RIC1: variants seen among roughly 807,000 people sequenced by gnomAD.
RIC1 encodes the protein RIC1 partner of RAB6A GEF complex.
In RIC1, 88 loss-of-function variants were observed where a neutral mutation model predicts 169.0. The observed-to-expected ratio is 0.52, with a 90% CI of 0.44 to 0.62. RIC1 has a LOEUF of 0.62. Among genes scored for constraint, RIC1 ranks in the 20% least tolerant of loss-of-function variants. The probability of loss-of-function intolerance (pLI) is 0.00; values close to 1 mark genes in which losing one functional copy is unlikely to be tolerated. For missense variants in RIC1, 1,877 were observed against 1,725.5 expected, an observed-to-expected ratio of 1.09 and a Z score of -1.56; for synonymous variants, 790 against 601.5, an observed-to-expected ratio of 1.31 and a Z score of -4.59.
intron 6 of RIC1, among the ~76,000 whole-genome samples, chr9:5,725,363 C>T (rs1025258056): frequency 6.6e-6 from 1 of 152,142 alleles, no homozygotes; most frequent in Non-Finnish European, 1.5e-5. Context: ...TTATAGTATT[C>T]TCTGATGGTA....
intron 1 of RIC1, among the ~76,000 whole-genome samples, chr9:5,653,874 G>T (rs1257180696): frequency 6.6e-6 from 1 of 152,098 alleles, no homozygotes; most frequent in African/African-American, 2.4e-5. Context: ...GGGATTACAG[G>T]CATGCACAAC....
At chr9:5,747,547 T>A in intron 12 of RIC1, 42 bp downstream of exon 12, 1 of 1,483,926 alleles carries the variant, frequency 6.7e-7, no homozygotes, top group Non-Finnish European at 9.4e-7. Context: ...TATTCTTTGA[T>A]AGGATATCAC....
At chr9:5,645,455 A>G (rs1196430607) in intron 1 of RIC1, among the ~76,000 whole-genome samples, 1 of 152,272 alleles carries the variant, frequency 6.6e-6, no homozygotes, top group Non-Finnish European at 1.5e-5. Flanking sequence ...CATTAAGTAC[A>G]TTCACATTAT....
chr9:5,760,219 T>A (rs1826246202), intron 17 of RIC1, among the ~76,000 whole-genome samples: 1 of 152,066 alleles, frequency 6.6e-6, no homozygotes, highest in Non-Finnish European at 1.5e-5. Flanking sequence ...CTGCCAGGGG[T>A]TTTTTTAGGG....
chr9:5,769,056 G>A lies in RIC1; in HGVS notation c.3224G>A (p.Arg1075Lys). The part of the protein sequence containing the change: ...RHARRLLEDV[R>K]LKDLGCFAAQ... ...GCTCGGCGCCTCTTAGAAGATGTGA[G>A]GTTAAAGGACCTTGGCTGCTTTGCA... is the stretch of plus-strand genomic sequence containing the variant. Residue 1075 changes from arginine to lysine, a missense_variant, in exon 22 of 26, where the codon AGG becomes AAG. By Grantham distance (26) the Arg-to-Lys change is conservative. This residue lies in a region of RIC1 where 681 missense variants were observed against 582.0 expected (regional missense o/e 1.17). Coordinates refer to ENST00000414202, the MANE Select transcript of RIC1 (RefSeq NM_020829.4). 1 of 1,614,054 alleles carries A rather than the reference G, an allele frequency of 6.2e-7. No individual in the cohort carries two copies. Among genetic ancestry groups the A allele is most frequent in the Non-Finnish European group, 8.5e-7 (1 of 1,179,960 alleles).
At chr9:5,753,369 A>T in intron 13 of RIC1, 131 bp downstream of exon 13, 1 of 866,358 alleles carries the variant, frequency 1.2e-6, no homozygotes, top group South Asian at 1.5e-5. Context: ...TTGCTAGTAT[A>T]TTAACATCTA....
intron 5 of RIC1, 127 bp downstream of exon 5, chr9:5,720,451 G>T: frequency 8.6e-7 from 1 of 1,158,604 alleles, no homozygotes; most frequent in Non-Finnish European, 1.2e-6. Context: ...GAGTATGAGA[G>T]GCGGGGTGAG....
At chr9:5,672,488 A>T (rs1305853116) in intron 2 of RIC1, among the ~76,000 whole-genome samples, 3 of 152,254 alleles carry the variant, frequency 2.0e-5, no homozygotes, top group African/African-American at 7.2e-5. Flanking sequence ...TGAGAGCTGA[A>T]TCTTTTGTTC....
At chr9:5,747,602 T>C in intron 12 of RIC1, 97 bp downstream of exon 12, 1 of 1,093,482 alleles carries the variant, frequency 9.1e-7, no homozygotes, top group East Asian at 2.4e-5. Context: ...TTCAGGCAAC[T>C]GAGAATCCTT....
At chr9:5,730,968 T>C (rs975140786) in intron 6 of RIC1, among the ~76,000 whole-genome samples, 1 of 152,150 alleles carries the variant, frequency 6.6e-6, no homozygotes, top group Non-Finnish European at 1.5e-5. Flanking sequence ...CCAGAAATGC[T>C]CCTACATTAG....
chr9:5,742,055 G>C (rs1350489185), intron 8 of RIC1, among the ~76,000 whole-genome samples: 3 of 152,184 alleles, frequency 2.0e-5, no homozygotes, highest in Non-Finnish European at 4.4e-5. Flanking sequence ...TGTGGCTTCA[G>C]ATTATCAAGG....
chr9:5,629,331 C>T lies in RIC1; in HGVS notation c.22C>T (p.Pro8Ser), dbSNP rs1817601241. The stretch of plus-strand genomic sequence containing the variant: ...GACCATGTATTTTCTGAGCGGCTGG[C>T]CCAAGAGGCTGCTGTGCCCTCTGGG... MYFLSGWPKRLLCPLGSP... is the reference protein window; with the variant it reads MYFLSGWSKRLLCPLGSP... The change falls in exon 1 of 26, where the codon CCC becomes TCC. Residue 8 changes from proline (P) to serine (S), a missense_variant. This residue lies in a region of RIC1 where 1,104 missense variants were observed against 992.0 expected (regional missense o/e 1.11). Transcript: ENST00000414202. 1 of 1,529,938 alleles carries T rather than the reference C, an allele frequency of 6.5e-7. No individual in the cohort carries two copies. Among genetic ancestry groups the T allele is most frequent in the African/African-American group, 1.4e-5 (1 of 72,408 alleles). The allele number at this position is 1,529,938 out of a possible 1,614,324, so 94.8% of individuals were successfully genotyped here.
intron 25 of RIC1, among the ~76,000 whole-genome samples, chr9:5,773,514 T>C (rs1177788823): frequency 6.6e-6 from 1 of 152,216 alleles, no homozygotes; most frequent in African/African-American, 2.4e-5. Flanking sequence ...GTGGTTGCAG[T>C]TAAGAGCCTT....
At chr9:5,719,786 A>G (rs1301474448) in intron 4 of RIC1, among the ~76,000 whole-genome samples, 1 of 152,216 alleles carries the variant, frequency 6.6e-6, no homozygotes, top group African/African-American at 2.4e-5. Flanking sequence ...TTATTGGACA[A>G]GTGCCAGAGC....
intron 1 of RIC1, among the ~76,000 whole-genome samples, chr9:5,633,876 C>T (rs1817843094): frequency 6.6e-6 from 1 of 152,148 alleles, no homozygotes; most frequent in South Asian, 2.1e-4. Context: ...AAAATTTGTA[C>T]CTTTGACTGA....
At chr9:5,753,680 C>A in intron 14 of RIC1, 34 bp downstream of exon 14, 1 of 1,141,772 alleles carries the variant, frequency 8.8e-7, no homozygotes. Context: ...ACCTATTTCT[C>A]AAAGTATAAG....
At chr9:5,717,923 T>C (rs956459227) in intron 4 of RIC1, among the ~76,000 whole-genome samples, 2 of 151,264 alleles carry the variant, frequency 1.3e-5, no homozygotes, top group Non-Finnish European at 2.9e-5. Context: ...GTCGATCACC[T>C]GAGGTCAGGA....
chr9:5,760,260 TTA>T (rs1014772687), intron 17 of RIC1, among the ~76,000 whole-genome samples: 4 of 152,258 alleles, frequency 2.6e-5, no homozygotes, highest in African/African-American at 7.2e-5. Flanking sequence ...TCCTTCAAAT[TTA>T]GGATTTTGGG....
intron 2 of RIC1, among the ~76,000 whole-genome samples, chr9:5,686,995 G>A (rs544763398): frequency 1.3e-5 from 2 of 152,290 alleles, no homozygotes; most frequent in African/African-American, 4.8e-5. Context: ...TTGTGGAAAG[G>A]ATTTGAATTG....
Sources: allele counts gnomAD v4.1 joint callset (sites outside exome capture counted in the v4.1 genomes callset), GRCh38; gene constraint gnomAD v4.1.1; regional missense constraint gnomAD v4.1.1; transcripts MANE v1.5; gene names NCBI Gene and HGNC (gene_info 2026-07-23, HGNC 2026-07-21).